The following FMN1 variants were observed in gnomAD, a reference collection of about 807,000 sequenced individuals.
The protein encoded by FMN1 is formin-1.
FMN1 carries 110 observed loss-of-function variants against 132.4 expected under a neutral mutation model. The ratio of observed to expected loss-of-function variants is 0.83; its 90% CI spans 0.71 to 0.97. FMN1 has a LOEUF of 0.97. Among genes scored for constraint, FMN1 ranks in the 50% least tolerant of loss-of-function variants. The pLI, the probability that FMN1 is intolerant of heterozygous loss-of-function variation, is 0.00. For synonymous variants in FMN1, 722 were observed against 651.7 expected (o/e 1.11, Z -1.64); for missense variants, 1,792 against 1,705.3 (o/e 1.05, Z -0.90).
rs919692026 is a variant in FMN1 at position 32,968,778 on chromosome 15, C to T, written c.2923G>A (p.Ala975Thr). ...TTCATGGGACAACTGGGCTCGATGG[C>T]TGGTTTTCGAGGACATTGACTGGAA... is the stretch of plus-strand genomic sequence containing the variant. ...SSSSQCPRKP[A>T]IEPSCPMKPL... The change falls in exon 8 of 21, where the codon GCC becomes ACC. Residue 975 changes from alanine (A) to threonine (T), a missense_variant. Transcript: ENST00000616417. The T allele has an allele frequency of 5.0e-6, 8 of 1,607,746 alleles. No homozygotes were observed. Among genetic ancestry groups the T allele is most frequent in the East Asian group, 4.5e-5 (2 of 44,530 alleles).
rs142548239 is a variant in FMN1 at position 32,940,357 on chromosome 15, C to T, written c.3139-14096G>A. ...CCAATTCAACGGTCCTCACAATACG[C>T]AAATTCCCATGTCTACTGCAAACAA... On this transcript the variant is annotated intron_variant, in intron 9 of 20. Transcript: ENST00000616417. Among the ~76,000 whole-genome samples the T allele has an allele frequency of 3.2e-4, 48 of 151,808 alleles. 1 individual carries two copies. In the East Asian group the frequency reaches 8.7e-3, roughly 28 times the overall value.
intron 4 of FMN1, chr15:33,105,624 T>A (rs2039456119): frequency 6.6e-6 from 1 of 152,164 alleles, no homozygotes; most frequent in South Asian, 2.1e-4. Context: ...TAGGGAATCT[T>A]GACTAAAACT....
At chr15:32,985,921 C>T (rs1380399931) in intron 7 of FMN1, among the ~76,000 whole-genome samples, 3 of 152,054 alleles carry the variant, frequency 2.0e-5, no homozygotes, top group East Asian at 1.9e-4. Flanking sequence ...AATATATTCC[C>T]ACTTCAATAA....
Position 33,188,457 on chromosome 15 carries a change from A to G in FMN1, c.-197+5452T>C, listed in dbSNP as rs138117137. 2.6e-3 allele frequency among the ~76,000 whole-genome samples: 395 copies of G among 152,250 alleles called. 3 individuals carry two copies. Among genetic ancestry groups the G allele is most frequent in the African/African-American group, 8.8e-3 (366 of 41,536 alleles). ...CTTTCTATACATAGTCTTAGACTAT[A>G]TCTCCCTTTCCTCTCTTCTGTGTGT... On this transcript the variant is annotated intron_variant, in intron 2 of 20. Transcript: ENST00000616417.
intron 2 of FMN1, among the ~76,000 whole-genome samples, chr15:33,187,273 A>G (rs1965919696): frequency 6.6e-6 from 1 of 152,244 alleles, no homozygotes. Flanking sequence ...GAAAAAGATA[A>G]ATAGCCTGTG....
intron 16 of FMN1, among the ~76,000 whole-genome samples, chr15:32,882,478 T>C (rs1006908330): frequency 5.9e-5 from 9 of 152,204 alleles, no homozygotes; most frequent in Non-Finnish European, 1.3e-4. Flanking sequence ...CGCCACACCC[T>C]TAACCACATT....
chr15:32,951,744 T>C (rs2061658662), intron 9 of FMN1, among the ~76,000 whole-genome samples: 1 of 152,198 alleles, frequency 6.6e-6, no homozygotes, highest in Non-Finnish European at 1.5e-5. Context: ...TTAATATTAC[T>C]CTTTCTTTAC....
At chr15:32,983,482 A>G (rs2032841763) in intron 7 of FMN1, among the ~76,000 whole-genome samples, 2 of 152,234 alleles carry the variant, frequency 1.3e-5, no homozygotes, top group East Asian at 1.9e-4. Context: ...TGGTACACTT[A>G]GAACAGCAAT....
intron 3 of FMN1, among the ~76,000 whole-genome samples, chr15:33,178,386 T>C (rs991764510): frequency 2.6e-5 from 4 of 152,198 alleles, no homozygotes; most frequent in Non-Finnish European, 4.4e-5. Context: ...AACTTGAGAC[T>C]GTCTTGGGCT....
intron 19 of FMN1, among the ~76,000 whole-genome samples, chr15:32,797,148 T>A (rs1317155559): frequency 6.6e-6 from 1 of 152,248 alleles, no homozygotes; most frequent in East Asian, 1.9e-4. Context: ...CACAATTTCT[T>A]TGATCTAACT....
In FMN1 at chr15:32,964,160, G is replaced by A. The variant is rs374929655; in HGVS notation, c.3085C>T (p.Gln1029Ter). The part of the protein sequence containing the change: ...EYLFSKDTTQ[Q>*]KKKPLSETYE... ...GTCTCTGACAGAGGTTTTTTCTTCT[G>A]TTGAGTTGTGTCTTTGGAGAATAAA... The change falls in exon 9 of 21, where the codon CAG becomes TAG. Residue 1029 changes from glutamine to a stop codon, truncating the protein, a stop_gained. Coordinates refer to ENST00000616417, the MANE Select transcript of FMN1 (RefSeq NM_001277313.2). LOFTEE classifies it high-confidence loss of function. The A allele has an allele frequency of 6.2e-7, 1 of 1,612,712 alleles. No individual in the cohort carries two copies. The highest frequency in any genetic ancestry group is 8.5e-7 in the Non-Finnish European group (1 of 1,179,242).
At chr15:32,923,222 T>C (rs868544579) in intron 10 of FMN1, among the ~76,000 whole-genome samples, 7 of 152,338 alleles carry the variant, frequency 4.6e-5, no homozygotes, top group Middle Eastern at 3.4e-3. Context: ...CCTCCAGTCA[T>C]ATCTAACCAT....
chr15:32,934,089 G>C lies in FMN1; in HGVS notation c.3139-7828C>G, dbSNP rs374597859. Among the ~76,000 whole-genome samples the C allele has an allele frequency of 6.6e-4, 101 of 152,134 alleles. No homozygotes were observed. In the East Asian group the frequency reaches 0.012, roughly 18 times the overall value. On this transcript the variant is annotated intron_variant, in intron 9 of 20. Coordinates refer to ENST00000616417, the MANE Select transcript of FMN1 (RefSeq NM_001277313.2). ...TGACTTTTGTGTTTTGTTTCTTACA[G>C]TGACTTGCTTTGATTCTTTTCTTTT...
At chr15:33,138,307 C>A (rs970671636) in intron 4 of FMN1, among the ~76,000 whole-genome samples, 1 of 152,128 alleles carries the variant, frequency 6.6e-6, no homozygotes, top group Non-Finnish European at 1.5e-5. Context: ...AAATGTATCA[C>A]CGACTCTTGG....
intron 7 of FMN1, among the ~76,000 whole-genome samples, chr15:32,979,325 G>A (rs1348366123): frequency 1.3e-5 from 2 of 152,064 alleles, no homozygotes; most frequent in South Asian, 2.1e-4. Flanking sequence ...GGAGGCTGAG[G>A]TGGGCAGATC....
At chr15:33,148,184 C>T (rs118007246) in intron 4 of FMN1, among the ~76,000 whole-genome samples, 2,392 of 152,258 alleles carry the variant, frequency 0.016, 22 homozygotes, top group Non-Finnish European at 0.025. Context: ...TCCCCTGTTG[C>T]TCATTTAAAA....
intron 17 of FMN1, among the ~76,000 whole-genome samples, chr15:32,824,476 A>AG (rs1302464993): frequency 2.0e-5 from 3 of 152,232 alleles, no homozygotes; most frequent in Non-Finnish European, 4.4e-5. Context: ...CAAGTCAGGT[A>AG]GGGTCATGTT....
chr15:33,180,362 T>C (rs1352188665), intron 2 of FMN1, 100 bp from the exon 3 acceptor site: 1 of 152,196 alleles, frequency 6.6e-6, no homozygotes, highest in East Asian at 1.9e-4. Flanking sequence ...AGGTGGCTAA[T>C]TTGAAGGGGC....
At chr15:32,960,995 C>CAAAAAAAAAAAAAAAAA (rs539245532) in intron 9 of FMN1, among the ~76,000 whole-genome samples, 2 of 59,094 alleles carry the variant, frequency 3.4e-5, no homozygotes, top group South Asian at 1.0e-3. Context: ...GACTCCGTCT[C>CAAAAAAAAAAAAAAAAA]AAAAAAAAAA....
Sources: allele counts gnomAD v4.1 joint callset (sites outside exome capture counted in the v4.1 genomes callset), GRCh38; gene constraint gnomAD v4.1.1; transcripts MANE v1.5; gene names NCBI Gene and HGNC (gene_info 2026-07-23, HGNC 2026-07-21).